The following GPATCH2 variants were observed in gnomAD, a reference collection of about 807,000 sequenced individuals.
The protein encoded by GPATCH2 is G-patch domain containing 2, also known as G patch domain-containing protein 2.
A neutral mutation model predicts 58.0 loss-of-function variants in GPATCH2; 51 were observed. That is an observed-to-expected ratio of 0.88 (90% confidence interval 0.70 to 1.11). GPATCH2 has a LOEUF of 1.11. Ranked by LOEUF, GPATCH2 falls within the 50% of genes most tolerant of loss-of-function variation. GPATCH2 has a pLI of 0.00. For synonymous variants in GPATCH2, 222 were observed against 218.5 expected (o/e 1.02, Z -0.14); for missense variants, 625 against 652.2 (o/e 0.96, Z 0.45).
At chr1:217,551,885 A>G (rs894507220) in intron 5 of GPATCH2, among the ~76,000 whole-genome samples, 1 of 152,194 alleles carries the variant, frequency 6.6e-6, no homozygotes, top group Admixed American at 6.5e-5. Flanking sequence ...ATCATGTAAC[A>G]TCACCCATTT....
chr1:217,559,370 T>G (rs1398202616), intron 5 of GPATCH2, among the ~76,000 whole-genome samples: 1 of 151,766 alleles, frequency 6.6e-6, no homozygotes, highest in Non-Finnish European at 1.5e-5. Flanking sequence ...AAGATCAGAT[T>G]CTAGATATCT....
rs142874332 is a variant in GPATCH2 at position 217,502,945 on chromosome 1, G to A, written c.1167-4550C>T. ...AGCATTTATTTCATCAGACTCTTAA[G>A]TTTATATTTATTCTACCTGCCTGTT... On this transcript the variant is annotated intron_variant, in intron 6 of 9. Coordinates refer to ENST00000366935, the MANE Select transcript of GPATCH2 (RefSeq NM_018040.5). Among the ~76,000 whole-genome samples, 899 of 152,148 alleles carry A rather than the reference G, an allele frequency of 5.9e-3. 11 individuals are homozygous for A. Among genetic ancestry groups the A allele is most frequent in the African/African-American group, 0.02 (842 of 41,560 alleles).
At chr1:217,448,221 T>C (rs1229211643) in intron 9 of GPATCH2, among the ~76,000 whole-genome samples, 3 of 152,180 alleles carry the variant, frequency 2.0e-5, no homozygotes, top group African/African-American at 4.8e-5. Context: ...CTTTTTACTG[T>C]TTACTCTCCT....
intron 8 of GPATCH2, among the ~76,000 whole-genome samples, chr1:217,474,126 C>T (rs1159770590): frequency 6.6e-6 from 1 of 152,058 alleles, no homozygotes; most frequent in Non-Finnish European, 1.5e-5. Flanking sequence ...ATGATGGGCA[C>T]TGCTTATGGT....
At position 217,510,958 on chromosome 1, in the gene GPATCH2, C is replaced by T. The variant is rs534705486; in HGVS notation, c.1166+3864G>A. Among the ~76,000 whole-genome samples, 15 of 151,970 alleles carry T rather than the reference C, an allele frequency of 9.9e-5. No homozygotes were observed. In the East Asian group the frequency reaches 2.3e-3, roughly 24 times the overall value. On this transcript the variant is annotated intron_variant, in intron 6 of 9. Transcript: ENST00000366935. ...AAAAATACAAAAAAAATTATCTGGG[C>T]GTGGTGGCGCACGCCTGTAGTCCCA...
intron 9 of GPATCH2, among the ~76,000 whole-genome samples, chr1:217,434,096 T>G (rs919604853): frequency 6.6e-6 from 1 of 152,224 alleles, no homozygotes; most frequent in East Asian, 1.9e-4. Context: ...ATTTCTCAAA[T>G]GGATTCATAG....
chr1:217,468,282 G>A (rs569650579), intron 8 of GPATCH2, among the ~76,000 whole-genome samples: 6 of 152,208 alleles, frequency 3.9e-5, no homozygotes, highest in African/African-American at 1.4e-4. Context: ...ATAAGTGAGG[G>A]AAGTACACAA....
intron 5 of GPATCH2, among the ~76,000 whole-genome samples, chr1:217,569,234 G>A (rs116285634): frequency 4.3e-4 from 66 of 152,086 alleles, no homozygotes; most frequent in African/African-American, 1.5e-3. Context: ...TAAGTAATAC[G>A]TTTGACTTGG....
intron 1 of GPATCH2, among the ~76,000 whole-genome samples, 194 bp from the exon 2 acceptor site, chr1:217,620,693 T>C (rs1475594852): frequency 1.3e-5 from 2 of 152,246 alleles, no homozygotes; most frequent in Non-Finnish European, 2.9e-5. Flanking sequence ...ATAAGTTCTT[T>C]TATTAAACAT....
At chr1:217,587,058 G>A (rs895972859) in intron 5 of GPATCH2, among the ~76,000 whole-genome samples, 1 of 152,058 alleles carries the variant, frequency 6.6e-6, no homozygotes, top group African/African-American at 2.4e-5. Flanking sequence ...TATGGTGCAG[G>A]GGGGAAGTTC....
chr1:217,538,616 T>C (rs1664587840), intron 5 of GPATCH2, among the ~76,000 whole-genome samples: 1 of 152,148 alleles, frequency 6.6e-6, no homozygotes, highest in African/African-American at 2.4e-5. Flanking sequence ...CATTGAAACT[T>C]AGCAAATGGG....
At chr1:217,469,827 T>C (rs1450990531) in intron 8 of GPATCH2, among the ~76,000 whole-genome samples, 1 of 152,190 alleles carries the variant, frequency 6.6e-6, no homozygotes, top group African/African-American at 2.4e-5. Context: ...ATGAATTTAA[T>C]AGGTTTTTTC....
chr1:217,552,016 C>T (rs529951496), intron 5 of GPATCH2, among the ~76,000 whole-genome samples: 2 of 152,148 alleles, frequency 1.3e-5, no homozygotes, highest in East Asian at 1.9e-4. Context: ...TCTTAATCAA[C>T]CTATTTTTAG....
intron 8 of GPATCH2, among the ~76,000 whole-genome samples, chr1:217,467,682 C>A (rs891696374): frequency 1.3e-5 from 2 of 150,176 alleles, no homozygotes; most frequent in Non-Finnish European, 2.9e-5. Flanking sequence ...CAGTATGAAT[C>A]AATATGATTT....
chr1:217,593,291 C>T (rs566696708), intron 5 of GPATCH2, among the ~76,000 whole-genome samples: 1 of 151,952 alleles, frequency 6.6e-6, no homozygotes, highest in South Asian at 2.1e-4. Context: ...TTAGAAATTG[C>T]AATAAATTTT....
chr1:217,608,187 C>T (rs1668450655), intron 5 of GPATCH2: 2 of 764,966 alleles, frequency 2.6e-6, no homozygotes, highest in Non-Finnish European at 1.6e-6. Context: ...GGAACTCTTA[C>T]CTTTCTTGCC....
intron 5 of GPATCH2, among the ~76,000 whole-genome samples, chr1:217,598,198 CA>C (rs1166333056): frequency 2.0e-5 from 3 of 151,830 alleles, no homozygotes; most frequent in Non-Finnish European, 4.4e-5. Context: ...CCAGCCTGGC[CA>C]ACATATCGAA....
chr1:217,606,128 A>G lies in GPATCH2; in HGVS notation c.1098+4193T>C, dbSNP rs546170294. On this transcript the variant is annotated intron_variant, in intron 5 of 9. Transcript: ENST00000366935. ...TAATTTAAAAAATCAGATAGGTTAA[A>G]TAGATCAGGACCCAAATCTCCTGAA... Among the ~76,000 whole-genome samples the G allele has an allele frequency of 2.8e-4, 42 of 151,944 alleles. 1 individual carries two copies. The highest frequency in any genetic ancestry group is 8.4e-4 in the African/African-American group (35 of 41,470).
At chr1:217,522,480 T>C (rs1369008826) in intron 5 of GPATCH2, among the ~76,000 whole-genome samples, 2 of 152,218 alleles carry the variant, frequency 1.3e-5, no homozygotes, top group African/African-American at 4.8e-5. Flanking sequence ...GAGTGGCCTC[T>C]ACTGGCTGAC....
Sources: gnomAD v4.1 joint callset for allele counts (sites outside exome capture counted in the v4.1 genomes callset) on GRCh38, gnomAD v4.1.1 for gene constraint, MANE v1.5 for transcripts, NCBI Gene and HGNC (gene_info 2026-07-23, HGNC 2026-07-21) for gene names.